The following CDH13 variants were observed in gnomAD, a reference collection of about 807,000 sequenced individuals.
CDH13 encodes cadherin-13.
Under a neutral mutation model 63.8 loss-of-function variants are expected in CDH13, and 24 were observed. The observed-to-expected ratio is 0.38, with a 90% CI of 0.27 to 0.53. CDH13 has a LOEUF of 0.53. Among genes scored for constraint, CDH13 ranks in the 20% least tolerant of loss-of-function variants. The pLI, the probability that CDH13 is intolerant of heterozygous loss-of-function variation, is 0.85. For synonymous variants in CDH13, 503 were observed against 355.3 expected, an observed-to-expected ratio of 1.42 and a Z score of -4.67; for missense variants, 1,049 against 903.1, an observed-to-expected ratio of 1.16 and a Z score of -2.07.
At chr16:83,765,957 C>T (rs879918662) in intron 11 of CDH13, among the ~76,000 whole-genome samples, 1 of 152,112 alleles carries the variant, frequency 6.6e-6, no homozygotes, top group African/African-American at 2.4e-5. Flanking sequence ...AGATGCACAG[C>T]TACCTAGAGG....
intron 13 of CDH13, among the ~76,000 whole-genome samples, chr16:83,794,255 C>A (rs971898698): frequency 2.6e-5 from 4 of 152,160 alleles, no homozygotes; most frequent in African/African-American, 7.2e-5. Context: ...AATTAACATA[C>A]CATGTTTGGG....
chr16:83,006,625 C>A (rs533340056), intron 2 of CDH13, among the ~76,000 whole-genome samples: 163 of 152,206 alleles, frequency 1.1e-3, no homozygotes, highest in African/African-American at 3.7e-3. Flanking sequence ...CACTGGTTTC[C>A]CTCTGATAGT....
chr16:82,911,468 A>T (rs1202569431), intron 2 of CDH13, among the ~76,000 whole-genome samples: 1 of 152,178 alleles, frequency 6.6e-6, no homozygotes, highest in Non-Finnish European at 1.5e-5. Context: ...CAGGGGCTAC[A>T]TACGGAATCT....
At chr16:82,783,919 G>GA (rs1472473171) in intron 1 of CDH13, among the ~76,000 whole-genome samples, 1 of 151,944 alleles carries the variant, frequency 6.6e-6, no homozygotes, top group Admixed American at 6.6e-5. Context: ...ATTAGAAAAA[G>GA]AAAAAAATAC....
chr16:83,001,889 A>T (rs1382166615), intron 2 of CDH13, among the ~76,000 whole-genome samples: 3 of 152,232 alleles, frequency 2.0e-5, no homozygotes, highest in African/African-American at 7.2e-5. Context: ...TATCTCAGTA[A>T]ATTTGTCTCA....
chr16:83,170,253 G>A (rs1361877959), intron 4 of CDH13, among the ~76,000 whole-genome samples: 2 of 151,814 alleles, frequency 1.3e-5, no homozygotes, highest in Non-Finnish European at 2.9e-5. Context: ...TTTTTGCTTT[G>A]ATTTTTCCTC....
intron 13 of CDH13, among the ~76,000 whole-genome samples, chr16:83,785,244 G>A (rs779265175): frequency 1.3e-5 from 2 of 152,184 alleles, no homozygotes; most frequent in African/African-American, 2.4e-5. Flanking sequence ...TGGTTCTGGA[G>A]GCTGAGAAGT....
intron 3 of CDH13, among the ~76,000 whole-genome samples, chr16:83,073,854 T>A (rs759891713): frequency 2.0e-5 from 3 of 152,108 alleles, no homozygotes; most frequent in Non-Finnish European, 4.4e-5. Context: ...ATTTTTAAGT[T>A]TTTTATTGAC....
intron 7 of CDH13, among the ~76,000 whole-genome samples, chr16:83,538,117 G>T (rs1167169731): frequency 6.6e-6 from 1 of 152,176 alleles, no homozygotes; most frequent in East Asian, 1.9e-4. Context: ...TAAATTACCT[G>T]CTGTGTCTAC....
chr16:83,400,385 A>G (rs531863328), intron 6 of CDH13, among the ~76,000 whole-genome samples: 7 of 152,240 alleles, frequency 4.6e-5, no homozygotes, highest in African/African-American at 7.2e-5. Flanking sequence ...ACAGTAGCCT[A>G]TGGGTTGGGA....
chr16:83,484,765 A>G (rs1330931729), intron 6 of CDH13, among the ~76,000 whole-genome samples: 2 of 152,202 alleles, frequency 1.3e-5, no homozygotes, highest in East Asian at 3.8e-4. Context: ...TGAATAAAGT[A>G]TTGTGGCATG....
At chr16:82,926,545 G>A (rs2042309223) in intron 2 of CDH13, among the ~76,000 whole-genome samples, 1 of 152,164 alleles carries the variant, frequency 6.6e-6, no homozygotes, top group African/African-American at 2.4e-5. Context: ...CATTCTTGTT[G>A]AGCTTGATGG....
At chr16:83,192,000 A>G (rs2038732339) in intron 4 of CDH13, among the ~76,000 whole-genome samples, 1 of 152,158 alleles carries the variant, frequency 6.6e-6, no homozygotes, top group African/African-American at 2.4e-5. Context: ...AGCATGTAGA[A>G]TTGATATGAC....
intron 6 of CDH13, among the ~76,000 whole-genome samples, chr16:83,417,768 A>T (rs979206805): frequency 3.3e-5 from 5 of 152,198 alleles, no homozygotes; most frequent in Non-Finnish European, 7.3e-5. Flanking sequence ...CTGTTATATA[A>T]GCAATCAGAA....
chr16:83,125,750 G>T (rs963842377), intron 4 of CDH13, among the ~76,000 whole-genome samples: 2 of 152,164 alleles, frequency 1.3e-5, no homozygotes, highest in African/African-American at 4.8e-5. Flanking sequence ...AATTAAGCAG[G>T]AAGATGTCAA....
intron 1 of CDH13, among the ~76,000 whole-genome samples, chr16:82,798,747 C>T (rs1021558957): frequency 1.3e-5 from 2 of 152,078 alleles, no homozygotes; most frequent in African/African-American, 4.8e-5. Context: ...ACACATGCCC[C>T]AGGTAGAGCT....
At chr16:83,715,911 A>C (rs914633209) in intron 10 of CDH13, among the ~76,000 whole-genome samples, 2 of 152,192 alleles carry the variant, frequency 1.3e-5, no homozygotes, top group African/African-American at 4.8e-5. Context: ...ACAGATGTCC[A>C]CTACCCTCCC....
chr16:83,698,844 C>T (rs903334837), intron 10 of CDH13, among the ~76,000 whole-genome samples: 2 of 152,234 alleles, frequency 1.3e-5, no homozygotes, highest in South Asian at 2.1e-4. Flanking sequence ...AGCTACTCAA[C>T]TCGACCATCG....
At chr16:83,405,398 C>G (rs1289892042) in intron 6 of CDH13, among the ~76,000 whole-genome samples, 9 of 152,118 alleles carry the variant, frequency 5.9e-5, no homozygotes, top group Non-Finnish European at 1.2e-4. Flanking sequence ...CCAATGTAAC[C>G]ACAAGGGTCC....
Sources: allele counts gnomAD v4.1 joint callset (sites outside exome capture counted in the v4.1 genomes callset), GRCh38; gene constraint gnomAD v4.1.1; transcripts MANE v1.5; gene names NCBI Gene and HGNC (gene_info 2026-07-23, HGNC 2026-07-21).